The following NAALADL2 variants were observed in gnomAD, a reference collection of about 807,000 sequenced individuals.
NAALADL2 encodes inactive N-acetylated-alpha-linked acidic dipeptidase-like protein 2.
Under a neutral mutation model 87.2 loss-of-function variants are expected in NAALADL2, and 76 were observed. The ratio of observed to expected loss-of-function variants is 0.87; its 90% CI spans 0.72 to 1.05. NAALADL2 has a LOEUF of 1.05. Ranked by LOEUF, NAALADL2 falls within the 50% of genes least tolerant of loss-of-function variation. The pLI, the probability that NAALADL2 is intolerant of heterozygous loss-of-function variation, is 0.00. For synonymous variants in NAALADL2, 354 were observed against 331.0 expected, an observed-to-expected ratio of 1.07 and a Z score of -0.75; for missense variants, 1,089 against 945.8, an observed-to-expected ratio of 1.15 and a Z score of -1.99.
intron 4 of NAALADL2, among the ~76,000 whole-genome samples, chr3:175,290,552 T>C (rs917574368): frequency 8.5e-5 from 13 of 152,166 alleles, no homozygotes; most frequent in African/African-American, 3.1e-4. Context: ...ATATATGTTT[T>C]CGAAACTCCT....
intron 9 of NAALADL2, among the ~76,000 whole-genome samples, chr3:175,503,377 C>A (rs1364164081): frequency 1.3e-5 from 2 of 152,044 alleles, no homozygotes; most frequent in African/African-American, 2.4e-5. Flanking sequence ...GTGAATAGTG[C>A]TGAAATGAAC....
At chr3:175,213,913 C>T (rs1580958214) in intron 2 of NAALADL2, among the ~76,000 whole-genome samples, 1 of 152,216 alleles carries the variant, frequency 6.6e-6, no homozygotes, top group South Asian at 2.1e-4. Flanking sequence ...CATTTATTTA[C>T]AACTCTACAC....
At chr3:175,606,750 G>T (rs1723800106) in intron 10 of NAALADL2, among the ~76,000 whole-genome samples, 1 of 152,028 alleles carries the variant, frequency 6.6e-6, no homozygotes, top group African/African-American at 2.4e-5. Flanking sequence ...GGAAAACCTA[G>T]CATACTTCTG....
chr3:175,717,126 C>A (rs1040773960), intron 11 of NAALADL2, among the ~76,000 whole-genome samples: 1 of 152,122 alleles, frequency 6.6e-6, no homozygotes, highest in African/African-American at 2.4e-5. Context: ...ATGAAATTTG[C>A]ACAGAGAACA....
At chr3:174,512,323 C>T (rs1369913787) in intron 1 of NAALADL2, among the ~76,000 whole-genome samples, 2 of 152,038 alleles carry the variant, frequency 1.3e-5, no homozygotes, top group African/African-American at 4.8e-5. Context: ...TAATTCTCAT[C>T]TTTGTTCTCT....
At chr3:175,073,854 A>G (rs778014938) in intron 1 of NAALADL2, among the ~76,000 whole-genome samples, 32 of 152,074 alleles carry the variant, frequency 2.1e-4, no homozygotes, top group Non-Finnish European at 4.4e-4. Flanking sequence ...TGATCGTCAT[A>G]AAAAGAAAAC....
intron 12 of NAALADL2, among the ~76,000 whole-genome samples, chr3:175,740,313 A>G (rs370573762): frequency 2.0e-4 from 30 of 152,326 alleles, no homozygotes; most frequent in African/African-American, 7.0e-4. Context: ...TTAGTAGATT[A>G]GTATAAGCAA....
chr3:175,587,398 A>G (rs1582514903), intron 10 of NAALADL2, among the ~76,000 whole-genome samples: 2 of 152,200 alleles, frequency 1.3e-5, no homozygotes, highest in East Asian at 1.9e-4. Flanking sequence ...AATTTAGTCT[A>G]TTTCAACTGA....
chr3:175,701,996 CA>C (rs1739060152), intron 11 of NAALADL2, among the ~76,000 whole-genome samples: 1 of 152,056 alleles, frequency 6.6e-6, no homozygotes, highest in South Asian at 2.1e-4. Flanking sequence ...CTTTAGCTCC[CA>C]TAAGAGCTAA....
At chr3:175,210,388 A>G (rs1223354252) in intron 2 of NAALADL2, among the ~76,000 whole-genome samples, 1 of 151,884 alleles carries the variant, frequency 6.6e-6, no homozygotes, top group East Asian at 1.9e-4. Context: ...AGCAGGATAT[A>G]GAAAAGCACA....
chr3:175,698,503 A>ATATATATATATATATATATATATATATAT (rs1491393693), intron 11 of NAALADL2, among the ~76,000 whole-genome samples: 2 of 141,338 alleles, frequency 1.4e-5, no homozygotes, highest in African/African-American at 2.7e-5. Flanking sequence ...ATATATATAT[A>ATATATATATATATATATATATATATATAT]AAATCTCCAA....
At chr3:174,543,922 C>T (rs752562202) in intron 1 of NAALADL2, among the ~76,000 whole-genome samples, 8 of 151,678 alleles carry the variant, frequency 5.3e-5, no homozygotes, top group Admixed American at 1.3e-4. Context: ...ACATGAGAAT[C>T]ACTAGAGCCC....
intron 1 of NAALADL2, among the ~76,000 whole-genome samples, chr3:175,016,999 A>C (rs1197748521): frequency 6.6e-6 from 1 of 151,780 alleles, no homozygotes; most frequent in Non-Finnish European, 1.5e-5. Flanking sequence ...GCTTTATCAA[A>C]CACTACGTCT....
intron 9 of NAALADL2, among the ~76,000 whole-genome samples, chr3:175,558,321 T>C (rs1428578668): frequency 2.0e-5 from 3 of 152,112 alleles, no homozygotes; most frequent in Non-Finnish European, 4.4e-5. Context: ...GTATATATTC[T>C]GGTTGTTAAT....
At chr3:175,038,511 A>G (rs1753684615) in intron 1 of NAALADL2, among the ~76,000 whole-genome samples, 1 of 152,174 alleles carries the variant, frequency 6.6e-6, no homozygotes, top group Admixed American at 6.6e-5. Flanking sequence ...AAATAAATTC[A>G]TAAAGATACC....
In NAALADL2 at chr3:174,787,578, T is replaced by TATATATATATATATATATATAC. The variant is rs1553855316; in HGVS notation, c.-9+49853_-9+49854insCATATATATATATATATATATA. Among the ~76,000 whole-genome samples, 119 of 29,398 alleles carry TATATATATATATATATATATAC rather than the reference T, an allele frequency of 4.0e-3. 9 individuals are homozygous for TATATATATATATATATATATAC. Among genetic ancestry groups the TATATATATATATATATATATAC allele is most frequent in the Non-Finnish European group, 6.1e-3 (90 of 14,690 alleles). The allele number at this position is 29,398 out of a possible 152,430, so 19.3% of individuals were successfully genotyped here. A position where few individuals can be genotyped will look rare whatever the true frequency, so the allele number is the denominator to read the frequency against. On this transcript the variant is annotated intron_variant, in intron 3 of 3. Transcript: ENST00000434257. ...AATAGAAGAAGGCAATATATCATCA[T>TATATATATATATATATATATAC]ATATATATATATATATATATATATA... is the stretch of plus-strand genomic sequence containing the variant.
intron 2 of NAALADL2, among the ~76,000 whole-genome samples, chr3:174,675,124 T>C (rs1726923951): frequency 6.6e-6 from 1 of 152,128 alleles, no homozygotes; most frequent in South Asian, 2.1e-4. Context: ...ATTGCAATTA[T>C]TGAGTATGTA....
intron 2 of NAALADL2, among the ~76,000 whole-genome samples, chr3:175,128,217 T>C (rs1399092347): frequency 6.6e-6 from 1 of 152,200 alleles, no homozygotes; most frequent in Non-Finnish European, 1.5e-5. Flanking sequence ...CTATTAACTA[T>C]ATTTTATTTA....
rs189311836 is a variant in NAALADL2, at chr3:174,773,733, A to G, written c.-9+35987A>G. Among the ~76,000 whole-genome samples the G allele has an allele frequency of 5.0e-3, 761 of 152,200 alleles. 22 individuals are homozygous for G. Among genetic ancestry groups the G allele is most frequent in the Non-Finnish European group, 9.3e-4 (63 of 68,006 alleles). On this transcript the variant is annotated intron_variant, in intron 3 of 3. Transcript: ENST00000434257. ...CTTATTTTGCGTTTTAGAGTACCCA[A>G]CGTTTAAAGTGATGCACAGTATTGT...
Sources: gnomAD v4.1 joint callset for allele counts (sites outside exome capture counted in the v4.1 genomes callset) on GRCh38, gnomAD v4.1.1 for gene constraint, MANE v1.5 for transcripts, NCBI Gene and HGNC (gene_info 2026-07-23, HGNC 2026-07-21) for gene names.